The following IL17RE variants were observed in gnomAD, a reference collection of about 807,000 sequenced individuals.
IL17RE encodes the protein interleukin 17 receptor E, also known as interleukin-17 receptor E.
IL17RE carries 47 observed loss-of-function variants against 70.7 expected under a neutral mutation model. The ratio of observed to expected loss-of-function variants is 0.67; its 90% CI spans 0.53 to 0.85. The LOEUF (loss-of-function observed/expected upper bound fraction) is 0.85. Ranked by LOEUF, IL17RE falls within the 40% of genes least tolerant of loss-of-function variation. The probability of loss-of-function intolerance (pLI) is 0.00; values close to 1 mark genes in which losing one functional copy is unlikely to be tolerated. For synonymous variants in IL17RE, 372 were observed against 381.2 expected (o/e 0.98, Z 0.28); for missense variants, 850 against 893.9 (o/e 0.95, Z 0.63).
chr3:9,902,650 T>A, upstream of IL17RE: 14 of 1,536,126 alleles, frequency 9.1e-6, no homozygotes, highest in Non-Finnish European at 1.2e-5. Context: ...CTAGCCCCTT[T>A]CCTGTTACTT....
In IL17RE at chr3:9,909,281, C is replaced by A; in HGVS notation, c.800C>A (p.Ala267Asp). 6.2e-7 allele frequency: 1 copy of A among 1,613,680 alleles called. No homozygotes were observed. The highest frequency in any genetic ancestry group is 8.5e-7 in the Non-Finnish European group (1 of 1,179,716). The stretch of plus-strand genomic sequence containing the variant: ...TGTCCCTTCCAGAGCTGGCCAGAAG[C>A]CTGTGAGTGCTGTTGACACGCACCC... ...KKCPFQSWPE[A>D]YGSDFWKSVH... is the part of the protein sequence containing the mutation. The change falls in exon 8 of 16, where the codon GCC (alanine) becomes GAC (aspartate). Residue 267 changes from alanine to aspartate, a missense_variant and splice_region_variant. Transcript: ENST00000383814.
At chr3:9,908,142 G>A (rs2082803636) in intron 6 of IL17RE, 97 bp from the exon 7 acceptor site, 2 of 937,554 alleles carry the variant, frequency 2.1e-6, no homozygotes, top group Non-Finnish European at 1.7e-6. Flanking sequence ...GAAAAACAGG[G>A]TGTGTTGGCC....
Position 9,904,684 on chromosome 3 carries a change from G to A in IL17RE, c.268+533G>A, listed in dbSNP as rs572361504. ...CACCTGTAATCCCAGCTGCTCAGGA[G>A]GCTGAGGCAGGAAAATCACTTGAAC... On this transcript the variant is annotated intron_variant, in intron 3 of 15. Coordinates refer to ENST00000383814, the MANE Select transcript of IL17RE (RefSeq NM_153480.2). 7.2e-5 allele frequency among the ~76,000 whole-genome samples: 11 copies of A among 152,328 alleles called. No individual in the cohort carries two copies. The South Asian group carries it at 2.3e-3, about 32-fold the overall frequency.
intron 1 of IL17RE, 126 bp from the exon 2 acceptor site, chr3:9,903,271 T>C (rs2082678105): frequency 8.8e-7 from 1 of 1,131,180 alleles, no homozygotes; most frequent in African/African-American, 1.5e-5. Flanking sequence ...CCAGAAGGTA[T>C]GGGCTATTAG....
Position 9,915,898 on chromosome 3 carries a change from T to C in IL17RE, c.*91T>C, listed in dbSNP as rs1023488550. ...GAATGAGCCTTCGACCCTGAAATCC[T>C]TGGGGTGCCTCGAGGACGACTGGCC... On this transcript the variant is annotated 3_prime_UTR_variant, in exon 16 of 16. Coordinates refer to ENST00000383814, the MANE Select transcript of IL17RE (RefSeq NM_153480.2). This position sits in a 1 kb window ranked among gnomAD's most constrained non-coding sequence, Gnocchi z 4.9. The C allele has an allele frequency of 1.5e-5, 21 of 1,384,744 alleles. No homozygotes were observed. The Admixed American group carries it at 2.8e-4, about 19-fold the overall frequency. The allele number at this position is 1,384,744 out of a possible 1,614,324, so 85.8% of individuals were successfully genotyped here. A position where few individuals can be genotyped will look rare whatever the true frequency, so the allele number is the denominator to read the frequency against.
intron 3 of IL17RE, among the ~76,000 whole-genome samples, chr3:9,906,021 G>A (rs1467125369): frequency 2.0e-5 from 3 of 151,744 alleles, no homozygotes; most frequent in African/African-American, 4.8e-5. Flanking sequence ...AGGCCGAGGC[G>A]GGCGGATCAC....
At chr3:9,903,277 A>T (rs145966977) in intron 1 of IL17RE, 120 bp from the exon 2 acceptor site, 2 of 1,186,804 alleles carry the variant, frequency 1.7e-6, no homozygotes, top group Non-Finnish European at 1.2e-6. Flanking sequence ...GGTATGGGCT[A>T]TTAGCTATGG....
intron 12 of IL17RE, among the ~76,000 whole-genome samples, chr3:9,913,211 C>G (rs1203659126): frequency 1.3e-5 from 2 of 152,012 alleles, no homozygotes; most frequent in East Asian, 3.9e-4. Context: ...TTGAGACCAG[C>G]CTCACCAACA....
chr3:9,906,950 C>T lies in IL17RE; in HGVS notation c.527-11C>T. The T allele has an allele frequency of 1.2e-6, 2 of 1,614,136 alleles. No individual in the cohort carries two copies. The highest frequency in any genetic ancestry group is 1.7e-6 in the Non-Finnish European group (2 of 1,180,022). ...CAAGAGACAAGGCCACTGAGTCCTTCCTCTCCCCAGGACCCGAGTTCTCCT... is the reference window on the plus strand; with the variant it reads ...CAAGAGACAAGGCCACTGAGTCCTTTCTCTCCCCAGGACCCGAGTTCTCCT... On this transcript the variant is annotated splice_polypyrimidine_tract_variant and intron_variant, in intron 5 of 15. Coordinates refer to ENST00000383814, the MANE Select transcript of IL17RE (RefSeq NM_153480.2).
At chr3:9,913,036 G>T (rs1240566335) in intron 12 of IL17RE, among the ~76,000 whole-genome samples, 30 of 152,082 alleles carry the variant, frequency 2.0e-4, no homozygotes, top group Admixed American at 2.0e-3. Flanking sequence ...TATTTAAAAA[G>T]ACATTCATGT....
At position 9,915,274 on chromosome 3, in the gene IL17RE, C is replaced by T. The variant is rs1452695767; in HGVS notation, c.1471C>T (p.Leu491Phe). 3 of 1,407,818 alleles carry T rather than the reference C, an allele frequency of 2.1e-6. No individual in the cohort carries two copies. In the African/African-American group the frequency reaches 4.5e-5, roughly 21 times the overall value. 87.2% of individuals were successfully genotyped at this position (1,407,818 alleles called of 1,614,324 possible). Reference protein sequence around the residue: ...QSGPGPARPVLLLHAADSEAQ... With the variant: ...QSGPGPARPVFLLHAADSEAQ... ...AGGCCCGGGCCCAGCGCGGCCAGTG[C>T]TCCTCCTGCACGCGGCGGACTCGGA... The change falls in exon 16 of 16, where the codon CTC (leucine) becomes TTC (phenylalanine). Residue 491 changes from leucine to phenylalanine, a missense_variant. Leu to Phe is a conservative substitution (Grantham distance 22). Transcript: ENST00000383814. This position sits in a 1 kb window ranked among gnomAD's most constrained non-coding sequence, Gnocchi z 4.9.
In IL17RE at chr3:9,915,216, C is replaced by T. The variant is rs1430813744; in HGVS notation, c.1448-35C>T. 4.4e-6 allele frequency: 6 copies of T among 1,366,714 alleles called. No individual in the cohort carries two copies. Among genetic ancestry groups the T allele is most frequent in the Admixed American group, 3.4e-5 (1 of 29,550 alleles). 84.7% of individuals were successfully genotyped at this position (1,366,714 alleles called of 1,614,324 possible). A position where few individuals can be genotyped will look rare whatever the true frequency, so the allele number is the denominator to read the frequency against. On this transcript the variant is annotated intron_variant, in intron 15 of 15. Transcript: ENST00000383814. This position sits in a 1 kb window ranked among gnomAD's most constrained non-coding sequence, Gnocchi z 4.9. The stretch of plus-strand genomic sequence containing the variant: ...AGAAGAGGGCTGAGCAGTCCCTCAG[C>T]CGCCCAGCCTTCATCTGTTGCTTCC...
At chr3:9,903,144 C>T (rs1243902770) in intron 1 of IL17RE, 80 bp downstream of exon 1, 18 of 1,297,410 alleles carry the variant, frequency 1.4e-5, no homozygotes, top group Non-Finnish European at 1.8e-5. Flanking sequence ...CCTGTGCTAC[C>T]TCCGCAGTCC....
intron 1 of IL17RE, 68 bp downstream of exon 1, chr3:9,903,132 G>GCCCTGTGCTACCTCCGCAGT: frequency 1.4e-6 from 2 of 1,398,560 alleles, no homozygotes; most frequent in East Asian, 2.3e-5. Context: ...TCCCCTGCCT[G>GCCCTGTGCTACCTCCGCAGT]CCCTGTGCTA....
chr3:9,910,773 A>T (rs1189290597), intron 8 of IL17RE, 92 bp from the exon 9 acceptor site: 8 of 1,155,302 alleles, frequency 6.9e-6, no homozygotes, highest in Non-Finnish European at 9.9e-6. Flanking sequence ...TTACTTTTAC[A>T]AACATTATCT....
Position 9,903,054 on chromosome 3 carries a change from C to A in IL17RE, c.122C>A (p.Ala41Asp), listed in dbSNP as rs1408048950. The change falls in exon 1 of 16, where the codon GCC (alanine) becomes GAC (aspartate). Residue 41 changes from alanine (A) to aspartate (D), a missense_variant. Physicochemically the swap from Ala to Asp is moderately radical, Grantham distance 126. Coordinates refer to ENST00000383814, the MANE Select transcript of IL17RE (RefSeq NM_153480.2). The stretch of plus-strand genomic sequence containing the variant: ...CACTGGAACACCCGCTGTCCTCTGG[C>A]CTCCCACACGGTAAGGTGCTGCTGC... ...LPHWNTRCPL[A>D]SHTDDSFTGS... 6.2e-7 allele frequency: 1 copy of A among 1,613,772 alleles called. No individual in the cohort carries two copies.
rs1182387776 is a variant in IL17RE at position 9,909,197 on chromosome 3, A to T, written c.736-20A>T. ...AAAAGCCATTCCTCTGACCCTCCCC[A>T]CCTGCTCCCGTCTCTCCAGGCATCC... On this transcript the variant is annotated intron_variant, in intron 7 of 15. Transcript: ENST00000383814. 1 of 1,609,100 alleles carries T rather than the reference A, an allele frequency of 6.2e-7. No individual in the cohort carries two copies. Among genetic ancestry groups the T allele is most frequent in the East Asian group, 2.2e-5 (1 of 44,840 alleles).
chr3:9,904,242 TA>T, intron 3 of IL17RE, 91 bp downstream of exon 3: 1 of 1,467,816 alleles, frequency 6.8e-7, no homozygotes, highest in African/African-American at 1.4e-5. Flanking sequence ...CTAGAACAGA[TA>T]TTTGTCTTGT....
At chr3:9,905,203 C>A (rs141591342) in intron 3 of IL17RE, among the ~76,000 whole-genome samples, 285 of 151,852 alleles carry the variant, frequency 1.9e-3, no homozygotes, top group African/African-American at 5.8e-3. Flanking sequence ...TGCCGGTAAT[C>A]CCAGTACTTT....
Sources: allele counts gnomAD v4.1 joint callset (sites outside exome capture counted in the v4.1 genomes callset), GRCh38; gene constraint gnomAD v4.1.1; non-coding constraint Gnocchi (gnomAD v3.1); transcripts MANE v1.5; gene names NCBI Gene and HGNC (gene_info 2026-07-23, HGNC 2026-07-21).